The following SPOCK3 variants were observed in gnomAD, a reference collection of about 807,000 sequenced individuals.
SPOCK3 encodes the protein SPARC (osteonectin), cwcv and kazal like domains proteoglycan 3, also known as testican-3.
In SPOCK3, 30 loss-of-function variants were observed where a neutral mutation model predicts 56.6. The observed-to-expected ratio is 0.53, with a 90% CI of 0.40 to 0.72. The LOEUF is 0.72. Among genes scored for constraint, SPOCK3 ranks in the 30% least tolerant of loss-of-function variants. SPOCK3 has a pLI of 0.00. For synonymous variants in SPOCK3, 196 were observed against 183.3 expected (o/e 1.07, Z -0.56); for missense variants, 527 against 530.0 (o/e 0.99, Z 0.06).
At chr4:167,128,440 A>G (rs1490438172) in intron 2 of SPOCK3, among the ~76,000 whole-genome samples, 1 of 152,226 alleles carries the variant, frequency 6.6e-6, no homozygotes, top group Non-Finnish European at 1.5e-5. Context: ...GTGCAAAAAA[A>G]GTAGTGGTCC....
intron 2 of SPOCK3, among the ~76,000 whole-genome samples, chr4:167,223,103 GAATATAT>G (rs1181304034): frequency 1.4e-3 from 113 of 80,728 alleles, no homozygotes; most frequent in African/African-American, 2.1e-3. Flanking sequence ...TTTTATATAT[GAATATAT>G]AATATATATT....
At chr4:166,937,238 A>T (rs1475933403) in intron 4 of SPOCK3, among the ~76,000 whole-genome samples, 5 of 151,966 alleles carry the variant, frequency 3.3e-5, no homozygotes, top group South Asian at 2.1e-4. Flanking sequence ...GTGACTAGAA[A>T]ATAAATGTAA....
chr4:166,862,604 C>A (rs141640739), intron 6 of SPOCK3, among the ~76,000 whole-genome samples: 75 of 152,136 alleles, frequency 4.9e-4, no homozygotes, highest in African/African-American at 1.7e-3. Context: ...GGGAAAATGA[C>A]TTAATCTTCC....
intron 4 of SPOCK3, among the ~76,000 whole-genome samples, chr4:166,997,934 G>C (rs1320894111): frequency 2.6e-5 from 4 of 152,054 alleles, no homozygotes; most frequent in Non-Finnish European, 4.4e-5. Flanking sequence ...GACAAAAATT[G>C]ATCAATTAAG....
chr4:166,741,143 A>G (rs1283495725), intron 9 of SPOCK3, among the ~76,000 whole-genome samples: 1 of 152,218 alleles, frequency 6.6e-6, no homozygotes, highest in Admixed American at 6.5e-5. Context: ...TATCCGTGAA[A>G]AGAAATATTG....
intron 2 of SPOCK3, among the ~76,000 whole-genome samples, chr4:167,170,098 T>C (rs998648842): frequency 2.6e-5 from 4 of 152,150 alleles, no homozygotes; most frequent in African/African-American, 9.7e-5. Flanking sequence ...ATACAAACAG[T>C]ATATTTAATA....
chr4:167,226,987 A>T (rs940743115), intron 2 of SPOCK3, among the ~76,000 whole-genome samples: 23 of 152,226 alleles, frequency 1.5e-4, no homozygotes, highest in African/African-American at 5.5e-4. Flanking sequence ...CTGAACTGTC[A>T]GTAAAGTATC....
At chr4:166,809,177 A>G (rs1039976698) in intron 6 of SPOCK3, among the ~76,000 whole-genome samples, 10 of 151,922 alleles carry the variant, frequency 6.6e-5, no homozygotes, top group Non-Finnish European at 2.9e-5. Context: ...TGCTCAATAT[A>G]TATATATTTG....
At chr4:167,179,643 C>T (rs1731279384) in intron 2 of SPOCK3, among the ~76,000 whole-genome samples, 1 of 151,984 alleles carries the variant, frequency 6.6e-6, no homozygotes, top group Non-Finnish European at 1.5e-5. Context: ...TTGATTTTTA[C>T]CTGCTATACT....
chr4:167,205,545 T>TAATA (rs1240989171), intron 2 of SPOCK3, among the ~76,000 whole-genome samples: 1 of 55,268 alleles, frequency 1.8e-5, no homozygotes, highest in Non-Finnish European at 2.9e-5. Flanking sequence ...TAATATATAT[T>TAATA]ATATAATATA....
chr4:167,011,202 A>T (rs1039076044), intron 3 of SPOCK3: 9 of 445,460 alleles, frequency 2.0e-5, no homozygotes, highest in African/African-American at 1.8e-4. Flanking sequence ...AATACAAAAA[A>T]AAATGCGGGA....
intron 6 of SPOCK3, among the ~76,000 whole-genome samples, chr4:166,855,967 A>T (rs1730604464): frequency 2.0e-5 from 3 of 152,212 alleles, no homozygotes; most frequent in Admixed American, 6.5e-5. Context: ...GACTATTGAA[A>T]AGGTTAAATG....
In SPOCK3 at chr4:166,906,449, C is replaced by T. The variant is rs549909538; in HGVS notation, c.474+6171G>A. ...CTTCTCAAAATGGTGGGATTATAGG[C>T]GTAAGCCACCATGCCTGGCCTGGTT... On this transcript the variant is annotated intron_variant, in intron 5 of 10. Coordinates refer to ENST00000357545, the MANE Select transcript of SPOCK3 (RefSeq NM_001040159.2). Among the ~76,000 whole-genome samples, 11 of 145,226 alleles carry T rather than the reference C, an allele frequency of 7.6e-5. No homozygotes were observed. In the South Asian group the frequency reaches 8.7e-4, roughly 11 times the overall value.
At chr4:166,925,626 C>A (rs1222824821) in intron 4 of SPOCK3, among the ~76,000 whole-genome samples, 2 of 152,042 alleles carry the variant, frequency 1.3e-5, no homozygotes, top group Admixed American at 6.6e-5. Flanking sequence ...AAAATGATTT[C>A]TAGCCTTCTT....
At chr4:167,149,645 A>T (rs1764245825) in intron 2 of SPOCK3, among the ~76,000 whole-genome samples, 1 of 152,092 alleles carries the variant, frequency 6.6e-6, no homozygotes, top group South Asian at 2.1e-4. Context: ...TTTGCACATG[A>T]ACACATGGCT....
chr4:166,792,140 A>G, intron 7 of SPOCK3, 30 bp downstream of exon 7: 2 of 1,613,180 alleles, frequency 1.2e-6, no homozygotes, highest in Non-Finnish European at 1.7e-6. Flanking sequence ...TAACAGATAC[A>G]GTAGCAATGA....
intron 6 of SPOCK3, among the ~76,000 whole-genome samples, chr4:166,839,911 A>G (rs555370095): frequency 6.6e-6 from 1 of 152,318 alleles, no homozygotes; most frequent in South Asian, 2.1e-4. Context: ...AGAGGGGCTA[A>G]TTTCACTTCG....
At chr4:166,884,640 A>G (rs1001529649) in intron 6 of SPOCK3, among the ~76,000 whole-genome samples, 1 of 152,190 alleles carries the variant, frequency 6.6e-6, no homozygotes, top group African/African-American at 2.4e-5. Context: ...TTGAAATGAA[A>G]TAGAAATGCA....
intron 3 of SPOCK3, among the ~76,000 whole-genome samples, chr4:167,006,586 T>C (rs556590385): frequency 6.6e-6 from 1 of 152,268 alleles, no homozygotes; most frequent in East Asian, 1.9e-4. Flanking sequence ...TGTATTCCGA[T>C]AATTCGCCTA....
Sources: allele counts gnomAD v4.1 joint callset (sites outside exome capture counted in the v4.1 genomes callset), GRCh38; gene constraint gnomAD v4.1.1; transcripts MANE v1.5; gene names NCBI Gene and HGNC (gene_info 2026-07-23, HGNC 2026-07-21).